ERBB4: variants seen among roughly 807,000 people sequenced by gnomAD.
ERBB4 encodes the protein erb-b2 receptor tyrosine kinase 4.
A neutral mutation model predicts 158.0 loss-of-function variants in ERBB4; 42 were observed. That is an observed-to-expected ratio of 0.27 (90% CI 0.21 to 0.34). ERBB4 has a LOEUF of 0.34. Ranked by LOEUF, ERBB4 falls within the 10% of genes least tolerant of loss-of-function variation. The pLI is 1.00. For synonymous variants in ERBB4, 583 were observed against 558.7 expected, an observed-to-expected ratio of 1.04 and a Z score of -0.61; for missense variants, 1,333 against 1,624.1, an observed-to-expected ratio of 0.82 and a Z score of 3.08.
intron 3 of ERBB4, among the ~76,000 whole-genome samples, chr2:211,793,422 T>A (rs1031126727): frequency 6.6e-6 from 1 of 151,916 alleles, no homozygotes; most frequent in African/African-American, 2.4e-5. Flanking sequence ...AATATTGCAC[T>A]TATCTAATCA....
At position 211,376,931 on chromosome 2, in the gene ERBB4, C is replaced by A. The variant is rs968643819; in HGVS notation, c.*6684G>T. Reference sequence around the variant, plus strand: ...AGGCATTCAAAGTTAGCTGCCCTCACACAGCTGCTCCGTTTAATAATCGAC... The same window carrying A: ...AGGCATTCAAAGTTAGCTGCCCTCAAACAGCTGCTCCGTTTAATAATCGAC... On this transcript the variant is annotated 3_prime_UTR_variant, in exon 28 of 28. Coordinates refer to ENST00000342788, the MANE Select transcript of ERBB4 (RefSeq NM_005235.3). 6.0e-5 allele frequency: 14 copies of A among 233,250 alleles called. No homozygotes were observed. The highest frequency in any genetic ancestry group is 4.5e-4 in the Admixed American group (8 of 17,736). 14.4% of individuals were successfully genotyped at this position (233,250 alleles called of 1,614,324 possible).
intron 1 of ERBB4, among the ~76,000 whole-genome samples, chr2:212,323,075 T>C (rs2087643725): frequency 6.6e-6 from 1 of 150,586 alleles, no homozygotes; most frequent in Admixed American, 6.6e-5. Context: ...TAATCCTTTA[T>C]ACACTAGAAA....
At chr2:212,535,213 A>T (rs1692980013) in intron 1 of ERBB4, among the ~76,000 whole-genome samples, 1 of 152,072 alleles carries the variant, frequency 6.6e-6, no homozygotes, top group Non-Finnish European at 1.5e-5. Flanking sequence ...GAAAAAAATA[A>T]CACCTTCTTC....
intron 1 of ERBB4, among the ~76,000 whole-genome samples, chr2:212,304,634 G>A (rs955032798): frequency 6.6e-6 from 1 of 151,438 alleles, no homozygotes; most frequent in Non-Finnish European, 1.5e-5. Context: ...ACATAAATCA[G>A]AACTGGACCA....
chr2:212,453,983 C>T (rs942596321), intron 1 of ERBB4, among the ~76,000 whole-genome samples: 2 of 150,842 alleles, frequency 1.3e-5, no homozygotes, highest in African/African-American at 4.9e-5. Context: ...CTCTATTGCC[C>T]AAGCTGGAAT....
intron 20 of ERBB4, among the ~76,000 whole-genome samples, chr2:211,482,860 G>A (rs113814294): frequency 9.2e-5 from 14 of 152,132 alleles, no homozygotes; most frequent in East Asian, 3.9e-4. Context: ...AGCCAAGATC[G>A]CACTATTGCA....
chr2:212,141,427 C>T (rs2080472940), intron 1 of ERBB4, among the ~76,000 whole-genome samples: 1 of 151,946 alleles, frequency 6.6e-6, no homozygotes, highest in Non-Finnish European at 1.5e-5. Flanking sequence ...GTGCAAGTTT[C>T]TAAAAATAAC....
intron 1 of ERBB4, among the ~76,000 whole-genome samples, chr2:212,215,859 T>C (rs1386133389): frequency 1.3e-5 from 2 of 151,464 alleles, no homozygotes; most frequent in East Asian, 1.9e-4. Context: ...ATGTCCAAGG[T>C]TGCTTTGCAG....
chr2:212,492,932 T>C (rs1690360220), intron 1 of ERBB4, among the ~76,000 whole-genome samples: 1 of 151,532 alleles, frequency 6.6e-6, no homozygotes, highest in Non-Finnish European at 1.5e-5. Context: ...TATTAAATAT[T>C]TTACAGAAGA....
chr2:212,220,303 T>C (rs762166751), intron 1 of ERBB4, among the ~76,000 whole-genome samples: 1 of 151,430 alleles, frequency 6.6e-6, no homozygotes, highest in Non-Finnish European at 1.5e-5. Context: ...TTACTTAATG[T>C]CACAGGAGAC....
chr2:212,189,530 T>C (rs2082126479), intron 1 of ERBB4, among the ~76,000 whole-genome samples: 1 of 152,204 alleles, frequency 6.6e-6, no homozygotes. Context: ...ATTTTTCAAA[T>C]TCTTTCAAGG....
chr2:212,522,532 T>C (rs1016786671), intron 1 of ERBB4, among the ~76,000 whole-genome samples: 7 of 151,884 alleles, frequency 4.6e-5, no homozygotes, highest in Non-Finnish European at 1.0e-4. Flanking sequence ...TAGAGCTCTG[T>C]ATAGGGGTAA....
At chr2:212,211,934 TACC>T (rs78570820) in intron 1 of ERBB4, among the ~76,000 whole-genome samples, 24,596 of 152,068 alleles carry the variant, frequency 0.16, 2,407 homozygotes, top group Non-Finnish European at 0.21. Context: ...GTTGTATATG[TACC>T]ACATTTTCTT....
chr2:212,278,983 T>A (rs2085648637), intron 1 of ERBB4, among the ~76,000 whole-genome samples: 2 of 151,596 alleles, frequency 1.3e-5, no homozygotes, highest in African/African-American at 4.8e-5. Flanking sequence ...TGCATATATG[T>A]TGCAGATTAT....
At chr2:212,271,175 A>G (rs558693095) in intron 1 of ERBB4, among the ~76,000 whole-genome samples, 1 of 52,908 alleles carries the variant, frequency 1.9e-5, no homozygotes, top group South Asian at 5.6e-4. Context: ...ATCTATGATG[A>G]CAGAGGCAAT....
intron 3 of ERBB4, among the ~76,000 whole-genome samples, chr2:211,882,910 T>C (rs1168245830): frequency 6.6e-6 from 1 of 152,204 alleles, no homozygotes; most frequent in Non-Finnish European, 1.5e-5. Flanking sequence ...TGTTGGGTTC[T>C]AATATCTACT....
intron 16 of ERBB4, among the ~76,000 whole-genome samples, chr2:211,655,998 G>T (rs538270034): frequency 6.6e-6 from 1 of 152,130 alleles, no homozygotes; most frequent in Non-Finnish European, 1.5e-5. Context: ...TATGAATGAA[G>T]AAATTATGAC....
chr2:212,012,312 G>A (rs765299237), intron 2 of ERBB4, among the ~76,000 whole-genome samples: 3 of 151,946 alleles, frequency 2.0e-5, no homozygotes, highest in Non-Finnish European at 4.4e-5. Context: ...ATTTTAAGAC[G>A]AAATTATATT....
intron 1 of ERBB4, among the ~76,000 whole-genome samples, chr2:212,375,976 C>T (rs569162732): frequency 1.3e-5 from 2 of 152,178 alleles, no homozygotes; most frequent in South Asian, 2.1e-4. Context: ...ATGAAGCCTG[C>T]AGTGGCAGAC....
Sources: gnomAD v4.1 joint callset for allele counts (sites outside exome capture counted in the v4.1 genomes callset) on GRCh38, gnomAD v4.1.1 for gene constraint, MANE v1.5 for transcripts, NCBI Gene and HGNC (gene_info 2026-07-23, HGNC 2026-07-21) for gene names.